The following IARS1 variants were observed in gnomAD, a reference collection of about 807,000 sequenced individuals.
The protein encoded by IARS1 is isoleucine--tRNA ligase, cytoplasmic.
In IARS1, 124 loss-of-function variants were observed where a neutral mutation model predicts 168.2. That is an observed-to-expected ratio of 0.74 (90% CI 0.64 to 0.86). The LOEUF is 0.86. Among genes scored for constraint, IARS1 ranks in the 40% least tolerant of loss-of-function variants. The pLI is 0.00. For synonymous variants in IARS1, 532 were observed against 529.4 expected (o/e 1.00, Z -0.07); for missense variants, 1,452 against 1,515.8 (o/e 0.96, Z 0.70).
chr9:92,231,097 T>G (rs571879359), intron 30 of IARS1, among the ~76,000 whole-genome samples: 1 of 152,232 alleles, frequency 6.6e-6, no homozygotes, highest in Non-Finnish European at 1.5e-5. Flanking sequence ...TAGTTCAATA[T>G]ATCACTTTTC....
At chr9:92,236,973 T>C (rs1047730168) in intron 30 of IARS1, among the ~76,000 whole-genome samples, 3 of 152,256 alleles carry the variant, frequency 2.0e-5, no homozygotes, top group Admixed American at 6.5e-5. Context: ...TCACTAGAGG[T>C]TTATTAATTT....
chr9:92,217,542 A>C (rs1838928709), intron 33 of IARS1, among the ~76,000 whole-genome samples: 1 of 148,862 alleles, frequency 6.7e-6, no homozygotes, highest in Non-Finnish European at 1.5e-5. Context: ...CTAATAAAGA[A>C]AAAAAGAGAG....
At chr9:92,272,864 CAAAAAAAAAA>C (rs869076663) in intron 10 of IARS1, among the ~76,000 whole-genome samples, 3 of 57,040 alleles carry the variant, frequency 5.3e-5, no homozygotes, top group African/African-American at 2.6e-4. Flanking sequence ...CAAAACAAAA[CAAAAAAAAAA>C]AAAAAAAAAA....
At chr9:92,236,132 C>T (rs528519631) in intron 30 of IARS1, among the ~76,000 whole-genome samples, 6 of 152,044 alleles carry the variant, frequency 3.9e-5, no homozygotes, top group South Asian at 2.1e-4. Context: ...TACAGGCGCC[C>T]GCCACCAGGC....
At chr9:92,226,048 C>T (rs1172246304) in intron 31 of IARS1, among the ~76,000 whole-genome samples, 1 of 152,170 alleles carries the variant, frequency 6.6e-6, no homozygotes, top group Non-Finnish European at 1.5e-5. Context: ...TGTTTTTGCT[C>T]GTTTCTACTT....
rs555097420 is a variant in IARS1, at chr9:92,266,652, C to T, written c.1432-1099G>A. Among the ~76,000 whole-genome samples the T allele has an allele frequency of 3.3e-5, 5 of 152,320 alleles. No individual in the cohort carries two copies. In the East Asian group the frequency reaches 9.7e-4, roughly 29 times the overall value. ...TGGATCCCTCGTGAAGAGACCAATG[C>T]TCTCCTTCTGCAGTGAGTTAGTTCT... is the stretch of plus-strand genomic sequence containing the variant. On this transcript the variant is annotated intron_variant, in intron 14 of 33. Coordinates refer to ENST00000443024, the MANE Select transcript of IARS1 (RefSeq NM_002161.6).
chr9:92,247,278 G>T, intron 26 of IARS1, 99 bp downstream of exon 26: 1 of 1,093,820 alleles, frequency 9.1e-7, no homozygotes, highest in Non-Finnish European at 1.3e-6. Flanking sequence ...CGACAGGACA[G>T]GAAAGGAAAG....
At chr9:92,227,032 A>G (rs1320655614) in intron 31 of IARS1, among the ~76,000 whole-genome samples, 7 of 137,170 alleles carry the variant, frequency 5.1e-5, no homozygotes, top group Admixed American at 3.7e-4. Flanking sequence ...GCCTTCAAGC[A>G]TCTGTTTAAC....
chr9:92,242,195 C>G lies in IARS1; in HGVS notation c.3136G>C (p.Val1046Leu), dbSNP rs34737051. ...ATAAGGACTTTATCCGATGGAGAAA[C>G]TGGATATGGTTTCAAGGGAGCCTTT... is the stretch of plus-strand genomic sequence containing the variant. ...TIKAPLKPYP[V>L]SPSDKVLIQE... is the part of the protein sequence containing the mutation. Residue 1046 changes from valine (V) to leucine (L), a missense_variant, in exon 29 of 34, where the codon GTT becomes CTT. Transcript: ENST00000443024. The G allele has an allele frequency of 6.2e-7, 1 of 1,613,904 alleles. No individual in the cohort carries two copies. Among genetic ancestry groups the G allele is most frequent in the African/African-American group, 1.3e-5 (1 of 74,924 alleles).
chr9:92,257,962 G>A (rs1178663627), intron 19 of IARS1, among the ~76,000 whole-genome samples: 1 of 152,088 alleles, frequency 6.6e-6, no homozygotes, highest in African/African-American at 2.4e-5. Context: ...CTAGAGCAAG[G>A]GCTTCTCAGG....
chr9:92,262,827 A>C, intron 17 of IARS1, 142 bp downstream of exon 17: 2 of 646,976 alleles, frequency 3.1e-6, no homozygotes, highest in Non-Finnish European at 5.7e-6. Flanking sequence ...CATCAGGCTT[A>C]GCTGTCACAC....
chr9:92,221,074 G>A (rs907133060), intron 33 of IARS1, among the ~76,000 whole-genome samples: 1 of 152,094 alleles, frequency 6.6e-6, no homozygotes, highest in African/African-American at 2.4e-5. Flanking sequence ...GAAAGTAAAA[G>A]ACAAAGGGAA....
At chr9:92,266,941 C>T (rs1832365984) in intron 14 of IARS1, among the ~76,000 whole-genome samples, 1 of 152,148 alleles carries the variant, frequency 6.6e-6, no homozygotes, top group African/African-American at 2.4e-5. Context: ...ACTAAACAGA[C>T]TAAAACAGGA....
chr9:92,265,722 A>G (rs1489101890), intron 14 of IARS1, among the ~76,000 whole-genome samples, 169 bp from the exon 15 acceptor site: 2 of 152,176 alleles, frequency 1.3e-5, no homozygotes, highest in Admixed American at 6.5e-5. Flanking sequence ...CAGTGGCACA[A>G]TCACAGCTCA....
In IARS1 at chr9:92,293,401, T is replaced by C. The variant is rs372109037; in HGVS notation, c.-8+210A>G. ...CACAGCTATATCAATTTATACTATG[T>C]ATATCATTTTAAAAAGATTTTACTC... is the stretch of plus-strand genomic sequence containing the variant. On this transcript the variant is annotated intron_variant, in intron 1 of 33. Transcript: ENST00000443024. The C allele has an allele frequency of 5.7e-6, 3 of 527,506 alleles. No homozygotes were observed. In the African/African-American group the frequency reaches 5.9e-5, roughly 10 times the overall value. 32.7% of individuals were successfully genotyped at this position (527,506 alleles called of 1,614,324 possible).
chr9:92,222,049 G>A (rs573646190), intron 33 of IARS1, among the ~76,000 whole-genome samples: 1 of 151,998 alleles, frequency 6.6e-6, no homozygotes, highest in Non-Finnish European at 1.5e-5. Context: ...CGGGCATCAC[G>A]GCTCACGCCT....
Position 92,228,983 on chromosome 9 carries a change from C to T in IARS1, c.3409+18G>A. 6.2e-7 allele frequency: 1 copy of T among 1,613,614 alleles called. No individual in the cohort carries two copies. The highest frequency in any genetic ancestry group is 8.5e-7 in the Non-Finnish European group (1 of 1,179,894). On this transcript the variant is annotated intron_variant, in intron 31 of 33. Coordinates refer to ENST00000443024, the MANE Select transcript of IARS1 (RefSeq NM_002161.6). ...ATCTTGAGTCAAAGGACGTAGGCTC[C>T]TCTCACTTTCCACATACCTGTTTCA...
chr9:92,230,218 C>T (rs951479959), intron 30 of IARS1, among the ~76,000 whole-genome samples: 1 of 151,846 alleles, frequency 6.6e-6, no homozygotes, highest in Non-Finnish European at 1.5e-5. Flanking sequence ...TCAAGAGATT[C>T]TCCTGTTTCA....
chr9:92,286,027 C>T (rs1835399259), intron 5 of IARS1, 188 bp from the exon 6 acceptor site: 1 of 528,700 alleles, frequency 1.9e-6, no homozygotes, highest in African/African-American at 1.9e-5. Context: ...CATTAAAATG[C>T]TAATATCTAC....
Sources: allele counts gnomAD v4.1 joint callset (sites outside exome capture counted in the v4.1 genomes callset), GRCh38; gene constraint gnomAD v4.1.1; transcripts MANE v1.5; gene names NCBI Gene and HGNC (gene_info 2026-07-23, HGNC 2026-07-21).